LIMCH1: variants seen among roughly 807,000 people sequenced by gnomAD.
LIMCH1 encodes the protein LIM and calponin homology domains 1.
LIMCH1 carries 113 observed loss-of-function variants against 176.5 expected under a neutral mutation model. That is an observed-to-expected ratio of 0.64 (90% CI 0.55 to 0.75). The LOEUF is 0.75. Among genes scored for constraint, LIMCH1 ranks in the 30% least tolerant of loss-of-function variants. The pLI is 0.00. For missense variants in LIMCH1, 1,674 were observed against 1,814.9 expected, an observed-to-expected ratio of 0.92 and a Z score of 1.41; for synonymous variants, 619 against 645.9, an observed-to-expected ratio of 0.96 and a Z score of 0.63.
intron 26 of LIMCH1, among the ~76,000 whole-genome samples, chr4:41,683,965 G>A (rs926517926): frequency 2.0e-5 from 3 of 152,094 alleles, no homozygotes; most frequent in East Asian, 1.9e-4. Flanking sequence ...TTCTCCAGGC[G>A]GTCCCTGTTT....
chr4:41,461,995 C>G (rs1319950740), intron 1 of LIMCH1, among the ~76,000 whole-genome samples: 1 of 152,178 alleles, frequency 6.6e-6, no homozygotes, highest in Admixed American at 6.5e-5. Flanking sequence ...GAAGACCAAC[C>G]TATTTAGCAT....
At chr4:41,364,057 A>G (rs1325834754) in intron 1 of LIMCH1, among the ~76,000 whole-genome samples, 1 of 152,190 alleles carries the variant, frequency 6.6e-6, no homozygotes, top group African/African-American at 2.4e-5. Context: ...GACCCTGAGC[A>G]AGCTACTTTT....
intron 28 of LIMCH1, 52 bp downstream of exon 28, chr4:41,685,882 T>C: frequency 6.3e-7 from 1 of 1,589,180 alleles, no homozygotes. Flanking sequence ...AAAATTCATT[T>C]AGTTAGAAGG....
intron 22 of LIMCH1, among the ~76,000 whole-genome samples, chr4:41,675,964 T>C (rs1375736177): frequency 6.6e-6 from 1 of 152,188 alleles, no homozygotes; most frequent in Non-Finnish European, 1.5e-5. Context: ...TTTTATAGCG[T>C]GGCAAACAAC....
chr4:41,473,000 G>A (rs1427926914), intron 1 of LIMCH1: 19 of 980,654 alleles, frequency 1.9e-5, no homozygotes, highest in East Asian at 1.1e-4. Context: ...TTTTCTCCTC[G>A]GTAGGCCAGA....
At chr4:41,466,990 C>A (rs142470720) in intron 1 of LIMCH1, among the ~76,000 whole-genome samples, 25 of 152,188 alleles carry the variant, frequency 1.6e-4, no homozygotes, top group Non-Finnish European at 3.2e-4. Context: ...AATCGGAATA[C>A]TCTAGGTACC....
At chr4:41,610,231 G>C (rs1584826492) in intron 4 of LIMCH1, among the ~76,000 whole-genome samples, 1 of 152,300 alleles carries the variant, frequency 6.6e-6, no homozygotes, top group East Asian at 1.9e-4. Flanking sequence ...GTAGGGTGAG[G>C]GTGGGGAAGA....
intron 2 of LIMCH1, among the ~76,000 whole-genome samples, chr4:41,523,287 A>G (rs1366971011): frequency 6.6e-6 from 1 of 152,180 alleles, no homozygotes; most frequent in Non-Finnish European, 1.5e-5. Context: ...AATAGTAAAG[A>G]TTTTATGCTT....
Position 41,408,819 on chromosome 4 carries a change from G to A in LIMCH1, c.96+47883G>A, listed in dbSNP as rs199536125. The stretch of plus-strand genomic sequence containing the variant: ...TTCAGTTGGATTGTATTGAGGGTAA[G>A]CTTCCAAGAGGGGACAACTATTGGC... On this transcript the variant is annotated intron_variant, in intron 1 of 26. Coordinates refer to the LIMCH1 transcript ENST00000313860. Among the ~76,000 whole-genome samples the A allele has an allele frequency of 3.9e-5, 6 of 152,328 alleles. No individual in the cohort carries two copies. In the East Asian group the frequency reaches 5.8e-4, roughly 15 times the overall value.
At chr4:41,513,899 G>A (rs955252981) in intron 2 of LIMCH1, among the ~76,000 whole-genome samples, 4 of 151,376 alleles carry the variant, frequency 2.6e-5, no homozygotes, top group Non-Finnish European at 4.4e-5. Context: ...CCAGCTACTT[G>A]GGAGACTGAG....
At chr4:41,602,219 C>A (rs932289673) in intron 2 of LIMCH1, among the ~76,000 whole-genome samples, 1 of 149,536 alleles carries the variant, frequency 6.7e-6, no homozygotes, top group Non-Finnish European at 1.5e-5. Flanking sequence ...GGATGCCAGA[C>A]AACCTTGATG....
At chr4:41,518,788 G>A (rs927236858) in intron 2 of LIMCH1, among the ~76,000 whole-genome samples, 1 of 152,082 alleles carries the variant, frequency 6.6e-6, no homozygotes, top group African/African-American at 2.4e-5. Flanking sequence ...CTGTGTCCAT[G>A]TGTTCTCATT....
intron 1 of LIMCH1, among the ~76,000 whole-genome samples, chr4:41,431,385 GTCATATGAAGAGCA>G (rs2061595130): frequency 6.6e-6 from 1 of 152,144 alleles, no homozygotes; most frequent in South Asian, 2.1e-4. Flanking sequence ...TTCCTTCCCA[GTCATATGAAGAGCA>G]TAAGAACTGT....
intron 18 of LIMCH1, among the ~76,000 whole-genome samples, chr4:41,654,712 G>A (rs540336779): frequency 1.4e-4 from 22 of 152,174 alleles, no homozygotes; most frequent in Non-Finnish European, 2.9e-4. Flanking sequence ...CTACACACCA[G>A]AAAGGGCAGA....
At chr4:41,576,752 G>A (rs2084540914) in intron 1 of LIMCH1, among the ~76,000 whole-genome samples, 1 of 151,948 alleles carries the variant, frequency 6.6e-6, no homozygotes, top group African/African-American at 2.4e-5. Flanking sequence ...TCTTACTATG[G>A]AATGCCATAT....
At chr4:41,565,346 TACAC>T (rs34056313) in intron 1 of LIMCH1, among the ~76,000 whole-genome samples, 2,266 of 128,552 alleles carry the variant, frequency 0.018, 44 homozygotes, top group East Asian at 0.067. Context: ...CTATTTCGGA[TACAC>T]ACACACACAC....
intron 1 of LIMCH1, among the ~76,000 whole-genome samples, chr4:41,361,791 G>T (rs2052115953): frequency 1.3e-5 from 2 of 152,064 alleles, no homozygotes; most frequent in Admixed American, 1.3e-4. Context: ...CTGTCTGCGG[G>T]GTTCAGGACG....
chr4:41,464,370 C>T (rs1310691678), intron 1 of LIMCH1, among the ~76,000 whole-genome samples: 5 of 139,124 alleles, frequency 3.6e-5, no homozygotes, highest in African/African-American at 1.1e-4. Flanking sequence ...TTCTTTTTTT[C>T]TTTTTTTTTT....
At chr4:41,496,437 G>A (rs1176659362) in intron 2 of LIMCH1, among the ~76,000 whole-genome samples, 1 of 152,192 alleles carries the variant, frequency 6.6e-6, no homozygotes, top group East Asian at 1.9e-4. Flanking sequence ...CCACATAGGA[G>A]GCCAGAGGCA....
Sources: gnomAD v4.1 joint callset for allele counts (sites outside exome capture counted in the v4.1 genomes callset) on GRCh38, gnomAD v4.1.1 for gene constraint, MANE v1.5 for transcripts, NCBI Gene and HGNC (gene_info 2026-07-23, HGNC 2026-07-21) for gene names.